Variants in ICA1 observed in about 807,000 individuals in gnomAD.
ICA1 encodes the protein islet cell autoantigen 1, also known as 69 kDa islet cell autoantigen.
ICA1 carries 40 observed loss-of-function variants against 71.0 expected under a neutral mutation model. That is an observed-to-expected ratio of 0.56 (90% confidence interval 0.44 to 0.73). ICA1 has a LOEUF of 0.73. Ranked by LOEUF, ICA1 falls within the 30% of genes least tolerant of loss-of-function variation. The pLI, the probability that ICA1 is intolerant of heterozygous loss-of-function variation, is 0.00. For synonymous variants in ICA1, 207 were observed against 209.5 expected, an observed-to-expected ratio of 0.99 and a Z score of 0.10; for missense variants, 578 against 576.5, an observed-to-expected ratio of 1.00 and a Z score of -0.03.
chr7:8,168,340 C>T (rs748191822), intron 6 of ICA1, among the ~76,000 whole-genome samples: 17 of 151,982 alleles, frequency 1.1e-4, no homozygotes, highest in Non-Finnish European at 2.1e-4. Context: ...TATCAGATAC[C>T]ACCTATTACA....
chr7:8,120,830 C>G (rs1786621780), intron 13 of ICA1, among the ~76,000 whole-genome samples: 1 of 152,258 alleles, frequency 6.6e-6, no homozygotes, highest in African/African-American at 2.4e-5. Flanking sequence ...AGCCAAAGGA[C>G]ACCGCCCAGA....
intron 1 of ICA1, among the ~76,000 whole-genome samples, chr7:8,240,583 G>A (rs1053685450): frequency 6.6e-6 from 1 of 152,156 alleles, no homozygotes; most frequent in African/African-American, 2.4e-5. Flanking sequence ...ACAGAAGTAG[G>A]CTTCAGAAGG....
rs1787763164 is a variant in ICA1 at position 8,123,393 on chromosome 7, G to A, written c.1330+4480C>T. On this transcript the variant is annotated intron_variant, in intron 13 of 13. Coordinates refer to ENST00000402384, the MANE Select transcript of ICA1 (RefSeq NM_001136020.3). The surrounding 1 kb of genome is among the most constrained non-coding windows in gnomAD (Gnocchi z 4.1). ...GAAGAGATGAAGGCGGAAGAGGAGG[G>A]GGAAATGTGGATTGTGAGAGGGGGT... is the stretch of plus-strand genomic sequence containing the variant. Among the ~76,000 whole-genome samples the A allele has an allele frequency of 6.6e-6, 1 of 152,076 alleles. No homozygotes were observed. Among genetic ancestry groups the A allele is most frequent in the African/African-American group, 2.4e-5 (1 of 41,390 alleles).
At chr7:8,217,105 T>G (rs1795648292) in intron 6 of ICA1, among the ~76,000 whole-genome samples, 1 of 152,248 alleles carries the variant, frequency 6.6e-6, no homozygotes, top group Admixed American at 6.5e-5. Flanking sequence ...TTTTCTCTTC[T>G]ATAAGATGAG....
chr7:8,142,004 C>T (rs542879276), intron 9 of ICA1, 187 bp from the exon 10 acceptor site: 9 of 1,492,188 alleles, frequency 6.0e-6, no homozygotes, highest in South Asian at 3.6e-5. Context: ...CTTTCTGTAG[C>T]ATCTTAATAT....
chr7:8,185,674 C>T (rs761726325), intron 6 of ICA1, among the ~76,000 whole-genome samples: 2 of 152,134 alleles, frequency 1.3e-5, no homozygotes, highest in Non-Finnish European at 2.9e-5. Context: ...AATTTGGGCT[C>T]GAATGTTTCT....
chr7:8,251,379 T>C (rs1239657209), intron 1 of ICA1, among the ~76,000 whole-genome samples: 3 of 150,820 alleles, frequency 2.0e-5, no homozygotes, highest in Non-Finnish European at 4.4e-5. Context: ...TCCATGACTA[T>C]GTCACACACT....
intron 8 of ICA1, among the ~76,000 whole-genome samples, chr7:8,148,941 G>A (rs1797923791): frequency 6.6e-6 from 1 of 152,130 alleles, no homozygotes; most frequent in African/African-American, 2.4e-5. Context: ...TGCTCTCCCC[G>A]ACGTTGGATC....
intron 1 of ICA1, among the ~76,000 whole-genome samples, chr7:8,253,745 C>T (rs148153275): frequency 1.2e-3 from 188 of 152,218 alleles, no homozygotes; most frequent in African/African-American, 4.4e-3. Flanking sequence ...CAGGGCTCTG[C>T]AGGACTTGAG....
At chr7:8,237,815 G>C (rs1802322038) in intron 1 of ICA1, among the ~76,000 whole-genome samples, 1 of 135,260 alleles carries the variant, frequency 7.4e-6, no homozygotes, top group Non-Finnish European at 1.6e-5. Flanking sequence ...CAATGTTGAA[G>C]ACAGACACAC....
intron 1 of ICA1, among the ~76,000 whole-genome samples, chr7:8,236,236 G>C (rs976455708): frequency 1.3e-5 from 2 of 152,110 alleles, no homozygotes; most frequent in Non-Finnish European, 2.9e-5. Flanking sequence ...TGAAAAAGCA[G>C]GTTGCAGAAG....
intron 6 of ICA1, among the ~76,000 whole-genome samples, chr7:8,197,418 C>T (rs555691496): frequency 5.3e-5 from 8 of 150,898 alleles, no homozygotes; most frequent in African/African-American, 1.7e-4. Flanking sequence ...CCGGGCATGG[C>T]GGTGCGTGCC....
intron 6 of ICA1, among the ~76,000 whole-genome samples, chr7:8,167,165 C>T (rs935367316): frequency 6.6e-6 from 1 of 152,200 alleles, no homozygotes; most frequent in African/African-American, 2.4e-5. Flanking sequence ...CATAAAGACA[C>T]ATGCACACAT....
At chr7:8,217,804 C>G (rs564140287) in intron 6 of ICA1, among the ~76,000 whole-genome samples, 1 of 152,352 alleles carries the variant, frequency 6.6e-6, no homozygotes, top group African/African-American at 2.4e-5. Context: ...ATCTCTTCAG[C>G]CACATATTTT....
At chr7:8,183,638 A>G (rs1782950719) in intron 6 of ICA1, among the ~76,000 whole-genome samples, 1 of 152,182 alleles carries the variant, frequency 6.6e-6, no homozygotes, top group African/African-American at 2.4e-5. Context: ...ACCTTTCTGA[A>G]TTTCTGCCAT....
chr7:8,153,858 T>C (rs1217442638), intron 8 of ICA1, among the ~76,000 whole-genome samples: 2 of 149,690 alleles, frequency 1.3e-5, no homozygotes, highest in Non-Finnish European at 3.0e-5. Flanking sequence ...TATATATATA[T>C]GTAGTAACAT....
At chr7:8,146,275 G>C (rs1360818495) in intron 8 of ICA1, among the ~76,000 whole-genome samples, 1 of 152,192 alleles carries the variant, frequency 6.6e-6, no homozygotes, top group Non-Finnish European at 1.5e-5. Context: ...TTTCAACTAA[G>C]AGCTAAATGA....
chr7:8,138,748 T>C, intron 12 of ICA1, 92 bp downstream of exon 12: 1 of 1,084,466 alleles, frequency 9.2e-7, no homozygotes, highest in South Asian at 1.4e-5. Context: ...TGCAAAGCTA[T>C]TAAAAAGATT....
chr7:8,184,316 C>T (rs1403130679), intron 6 of ICA1, among the ~76,000 whole-genome samples: 1 of 152,188 alleles, frequency 6.6e-6, no homozygotes, highest in African/African-American at 2.4e-5. Context: ...GGTGCCATTT[C>T]CATGCTCCAA....
Sources: gnomAD v4.1 joint callset for allele counts (sites outside exome capture counted in the v4.1 genomes callset) on GRCh38, gnomAD v4.1.1 for gene constraint, Gnocchi (gnomAD v3.1) non-coding constraint, MANE v1.5 for transcripts, NCBI Gene and HGNC (gene_info 2026-07-23, HGNC 2026-07-21) for gene names.